Variants in CYTH1 observed in about 807,000 individuals in gnomAD.
The protein encoded by CYTH1 is cytohesin-1.
A neutral mutation model predicts 61.8 loss-of-function variants in CYTH1; 18 were observed. The observed-to-expected ratio is 0.29, with a 90% CI of 0.20 to 0.43. The LOEUF (loss-of-function observed/expected upper bound fraction) is 0.43. Ranked by LOEUF, CYTH1 falls within the 20% of genes least tolerant of loss-of-function variation. The probability of loss-of-function intolerance (pLI) is 1.00; values close to 1 mark genes in which losing one functional copy is unlikely to be tolerated. For missense variants in CYTH1, 336 were observed against 510.5 expected (o/e 0.66, Z 3.29); for synonymous variants, 174 against 184.3 (o/e 0.94, Z 0.45).
chr17:78,740,255 T>C (rs1437962356), intron 1 of CYTH1, among the ~76,000 whole-genome samples: 6 of 152,212 alleles, frequency 3.9e-5, no homozygotes, highest in African/African-American at 1.4e-4. Flanking sequence ...TATCTTCTGA[T>C]ATGCTGCCAA....
chr17:78,753,908 C>T (rs2093390398), intron 1 of CYTH1, among the ~76,000 whole-genome samples: 4 of 152,022 alleles, frequency 2.6e-5, no homozygotes. Context: ...TAAAATAATC[C>T]CTTAAAAAAT....
chr17:78,677,579 C>CT (rs1287721647), intron 13 of CYTH1: 1 of 159,120 alleles, frequency 6.3e-6, no homozygotes, highest in East Asian at 1.9e-4. Flanking sequence ...AGTTCTACTG[C>CT]TGTACCTCTG....
intron 1 of CYTH1, among the ~76,000 whole-genome samples, chr17:78,710,350 T>C (rs1386753243): frequency 6.6e-6 from 1 of 152,234 alleles, no homozygotes; most frequent in Non-Finnish European, 1.5e-5. Flanking sequence ...CCTTTCTTCA[T>C]TGTTTCGATG....
At chr17:78,712,154 AAGGG>A (rs139179326) in intron 1 of CYTH1, among the ~76,000 whole-genome samples, 37,014 of 92,588 alleles carry the variant, frequency 0.4, 7,334 homozygotes, top group East Asian at 0.48. Context: ...AGGAGGAAGG[AAGGG>A]AGGGAGGGAG....
chr17:78,677,240 G>A (rs948103114), intron 13 of CYTH1: 6 of 378,798 alleles, frequency 1.6e-5, no homozygotes, highest in South Asian at 1.2e-4. Context: ...GTGTTGGGGT[G>A]AATCTCCCTT....
chr17:78,700,601 T>C lies in CYTH1; in HGVS notation c.438-158A>G, dbSNP rs1199733154. Among the ~76,000 whole-genome samples, 1 of 152,068 alleles carries C rather than the reference T, an allele frequency of 6.6e-6. No homozygotes were observed. Among genetic ancestry groups the C allele is most frequent in the East Asian group, 1.9e-4 (1 of 5,190 alleles). On this transcript the variant is annotated intron_variant, in intron 6 of 13. Transcript: ENST00000446868. The surrounding 1 kb of genome is among the most constrained non-coding windows in gnomAD (Gnocchi z 5.1). ...GTGCAGTGGCGTGATCTTGGCTCAC[T>C]GCAACCTCTGCCTGCCGGGTTCAGG...
At chr17:78,711,286 AAATAAATAAATAAATAAT>A (rs1008545011) in intron 1 of CYTH1, among the ~76,000 whole-genome samples, 1 of 122,332 alleles carries the variant, frequency 8.2e-6, no homozygotes, top group Non-Finnish European at 1.7e-5. Flanking sequence ...ATAAATAAAT[AAATAAATAAATAAATAAT>A]ATATATATAT....
At chr17:78,721,933 G>C (rs1160867865) in intron 1 of CYTH1, among the ~76,000 whole-genome samples, 1 of 152,134 alleles carries the variant, frequency 6.6e-6, no homozygotes, top group Non-Finnish European at 1.5e-5. Context: ...TGTAATCCCA[G>C]CTACTTGGGA....
intron 1 of CYTH1, among the ~76,000 whole-genome samples, chr17:78,733,289 C>T (rs1260322575): frequency 6.6e-6 from 1 of 152,062 alleles, no homozygotes; most frequent in Non-Finnish European, 1.5e-5. Flanking sequence ...TTTAAATTTT[C>T]CAACAAAGCT....
At chr17:78,773,997 T>G (rs2093481627) in intron 1 of CYTH1, among the ~76,000 whole-genome samples, 1 of 152,222 alleles carries the variant, frequency 6.6e-6, no homozygotes, top group South Asian at 2.1e-4. Flanking sequence ...ATCCAGCTAG[T>G]GATCAGTAGA....
intron 12 of CYTH1, 119 bp from the exon 13 acceptor site, chr17:78,680,463 T>C (rs1226642553): frequency 2.6e-6 from 3 of 1,164,214 alleles, no homozygotes; most frequent in Non-Finnish European, 3.6e-6. Flanking sequence ...AAGGAATACA[T>C]ATTTTCCTGT....
In CYTH1 at chr17:78,740,651, C is replaced by T. The variant is rs376319220; in HGVS notation, c.23-30919G>A. Among the ~76,000 whole-genome samples, 113 of 152,312 alleles carry T rather than the reference C, an allele frequency of 7.4e-4. 3 individuals are homozygous for T. In the South Asian group the frequency reaches 0.022, roughly 30 times the overall value. On this transcript the variant is annotated intron_variant, in intron 1 of 13. Transcript: ENST00000446868. ...CATGTCTCCAATTCCTTAAAATAGA[C>T]ATTTAACCACTGCATCACCAAATTG... is the stretch of plus-strand genomic sequence containing the variant.
chr17:78,737,692 T>G (rs2093326132), intron 1 of CYTH1, among the ~76,000 whole-genome samples: 1 of 152,042 alleles, frequency 6.6e-6, no homozygotes, highest in African/African-American at 2.4e-5. Flanking sequence ...ACCCAAAGAT[T>G]CTTGCCTGCA....
chr17:78,681,980 C>A (rs1004284905), intron 11 of CYTH1, among the ~76,000 whole-genome samples: 7 of 152,126 alleles, frequency 4.6e-5, no homozygotes, highest in Admixed American at 4.6e-4. Flanking sequence ...GTATCTCACA[C>A]ATCTCCAAAA....
At position 78,762,500 on chromosome 17, in the gene CYTH1, A is replaced by G. The variant is rs1216734782; in HGVS notation, c.22+19702T>C. Among the ~76,000 whole-genome samples the G allele has an allele frequency of 3.3e-5, 5 of 152,372 alleles. No individual in the cohort carries two copies. The East Asian group carries it at 9.6e-4, about 29-fold the overall frequency. On this transcript the variant is annotated intron_variant, in intron 1 of 13. Transcript: ENST00000446868. ...ATTCCATGGGCAAAGGCACTAAGGT[A>G]GATGTATAGATGTAGTCGGCAGGAT... is the stretch of plus-strand genomic sequence containing the variant.
At chr17:78,777,830 CAAA>C (rs201636454) in intron 1 of CYTH1, among the ~76,000 whole-genome samples, 4 of 71,898 alleles carry the variant, frequency 5.6e-5, no homozygotes, top group Admixed American at 1.5e-4. Context: ...ATTAAAAATA[CAAA>C]AAAAAAAAAA....
Position 78,690,318 on chromosome 17 carries a change from C to T in CYTH1, c.891+2099G>A, listed in dbSNP as rs536733506. Among the ~76,000 whole-genome samples the T allele has an allele frequency of 5.5e-3, 726 of 131,936 alleles. 9 individuals are homozygous for T. Among genetic ancestry groups the T allele is most frequent in the African/African-American group, 0.019 (688 of 35,506 alleles). The allele number at this position is 131,936 out of a possible 152,430, so 86.6% of individuals were successfully genotyped here. On this transcript the variant is annotated intron_variant, in intron 11 of 13. Transcript: ENST00000446868. Reference sequence around the variant, plus strand: ...CCGAGGCAGGAGAATGGCGTGAGCCCGGGAGGCGGAGCTTGCAGTGAGCCG... The same window carrying T: ...CCGAGGCAGGAGAATGGCGTGAGCCTGGGAGGCGGAGCTTGCAGTGAGCCG...
At chr17:78,711,304 T>TAAA (rs1567852045) in intron 1 of CYTH1, among the ~76,000 whole-genome samples, 1 of 54,798 alleles carries the variant, frequency 1.8e-5, no homozygotes, top group African/African-American at 4.7e-5. Flanking sequence ...AAATAAATAA[T>TAAA]ATATATATAT....
At chr17:78,701,893 C>T in intron 5 of CYTH1, 142 bp from the exon 6 acceptor site, 1 of 856,086 alleles carries the variant, frequency 1.2e-6, no homozygotes, top group Non-Finnish European at 1.9e-6. Flanking sequence ...ACACTGTCCG[C>T]AAGAAGACTG....
Sources: allele counts gnomAD v4.1 joint callset (sites outside exome capture counted in the v4.1 genomes callset), GRCh38; gene constraint gnomAD v4.1.1; non-coding constraint Gnocchi (gnomAD v3.1); transcripts MANE v1.5; gene names NCBI Gene and HGNC (gene_info 2026-07-23, HGNC 2026-07-21).